DIPK1A: variants seen among roughly 807,000 people sequenced by gnomAD.
The protein encoded by DIPK1A is family with sequence similarity 69 member A.
In DIPK1A, 27 loss-of-function variants were observed where a neutral mutation model predicts 40.8. The ratio of observed to expected loss-of-function variants is 0.66; its 90% CI spans 0.49 to 0.91. The LOEUF (loss-of-function observed/expected upper bound fraction) is 0.91, where lower values mean the gene tolerates loss of function less well. DIPK1A is among the 40% of genes least tolerant of loss of function. DIPK1A has a pLI of 0.00. For synonymous variants in DIPK1A, 166 were observed against 171.3 expected (o/e 0.97, Z 0.24); for missense variants, 412 against 505.7 (o/e 0.81, Z 1.78).
In DIPK1A at chr1:92,842,370, T is replaced by TTTAA. The variant is rs889429148; in HGVS notation, c.*1009_*1012dup. ...TAGTGGTTCTTTTCTCCAAAAGGTG[T>TTTAA]TTAATTTTATGGAGATGTTGAAAGG... is the stretch of plus-strand genomic sequence containing the variant. On this transcript the variant is annotated 3_prime_UTR_variant, in exon 5 of 5. Transcript: ENST00000370310. 1 of 984,918 alleles carries TTTAA rather than the reference T, an allele frequency of 1.0e-6. No homozygotes were observed. The highest frequency in any genetic ancestry group is 1.7e-5 in the African/African-American group (1 of 57,214). The allele number at this position is 984,918 out of a possible 1,614,324, so 61.0% of individuals were successfully genotyped here.
downstream of DIPK1A, chr1:92,841,800 A>G: frequency 6.2e-7 from 1 of 1,611,760 alleles, no homozygotes; most frequent in Non-Finnish European, 8.5e-7. Flanking sequence ...TGCTCAGAAG[A>G]AGGATCGGGT....
At chr1:92,883,336 A>G (rs995153189) in intron 1 of DIPK1A, among the ~76,000 whole-genome samples, 19 of 152,238 alleles carry the variant, frequency 1.2e-4, no homozygotes, top group African/African-American at 4.3e-4. Flanking sequence ...AGAACTCATC[A>G]TAGGGATCTT....
At chr1:92,959,609 G>A (rs1392746168) in intron 1 of DIPK1A, among the ~76,000 whole-genome samples, 1 of 149,090 alleles carries the variant, frequency 6.7e-6, no homozygotes, top group Non-Finnish European at 1.5e-5. Context: ...CCGCCACCAC[G>A]CCCGGCTAAT....
intron 1 of DIPK1A, among the ~76,000 whole-genome samples, chr1:92,959,599 C>T (rs570438834): frequency 1.2e-3 from 176 of 151,566 alleles, no homozygotes; most frequent in African/African-American, 4.0e-3. Context: ...CTACAGGCGC[C>T]CGCCACCACG....
At chr1:92,835,753 G>T (rs1247131593) in intron 4 of DIPK1A, among the ~76,000 whole-genome samples, 1 of 151,830 alleles carries the variant, frequency 6.6e-6, no homozygotes, top group African/African-American at 2.4e-5. Context: ...TTTCCTGGTA[G>T]ATGAAGATGG....
chr1:92,898,074 G>T (rs1298997789), intron 1 of DIPK1A, among the ~76,000 whole-genome samples: 2 of 152,032 alleles, frequency 1.3e-5, no homozygotes, highest in African/African-American at 2.4e-5. Flanking sequence ...ACTCTAGCCT[G>T]GGCAACAGAG....
At chr1:92,848,289 T>C (rs934232571) in intron 3 of DIPK1A, among the ~76,000 whole-genome samples, 4 of 152,234 alleles carry the variant, frequency 2.6e-5, no homozygotes, top group Non-Finnish European at 5.9e-5. Context: ...CTCTAATAAA[T>C]TCCCCTTTCA....
At chr1:92,869,578 C>T (rs1200695603) in intron 2 of DIPK1A, among the ~76,000 whole-genome samples, 4 of 152,106 alleles carry the variant, frequency 2.6e-5, no homozygotes, top group Non-Finnish European at 5.9e-5. Flanking sequence ...ATTTGTGGAA[C>T]CTCTTTTGGA....
At chr1:92,873,969 T>C (rs1371261001) in intron 2 of DIPK1A, among the ~76,000 whole-genome samples, 1 of 152,184 alleles carries the variant, frequency 6.6e-6, no homozygotes, top group Non-Finnish European at 1.5e-5. Context: ...CTTAGTACTA[T>C]TGACTTTAGT....
chr1:92,836,412 C>A, intron 4 of DIPK1A: 1 of 1,606,184 alleles, frequency 6.2e-7, no homozygotes, highest in Non-Finnish European at 8.5e-7. Flanking sequence ...CTATTTAAGA[C>A]CTTGGTGCCT....
In DIPK1A at chr1:92,940,875, A is replaced by T. The variant is rs149662058; in HGVS notation, c.54+20501T>A. ...ATGTGCAATTCCCTAATGGTTAATA[A>T]GCTTGAATGTCTTCATCTGTGTTTA... On this transcript the variant is annotated intron_variant, in intron 1 of 4. Transcript: ENST00000370310. 2.2e-3 allele frequency among the ~76,000 whole-genome samples: 334 copies of T among 152,348 alleles called. 1 individual carries two copies. The highest frequency in any genetic ancestry group is 7.6e-3 in the African/African-American group (317 of 41,578).
At chr1:92,845,235 C>A (rs1571047117) in intron 4 of DIPK1A, among the ~76,000 whole-genome samples, 1 of 150,512 alleles carries the variant, frequency 6.6e-6, no homozygotes, top group South Asian at 2.1e-4. Flanking sequence ...GCGTGAGCCA[C>A]CGCGCCCGGC....
intron 1 of DIPK1A, among the ~76,000 whole-genome samples, chr1:92,921,433 A>G (rs1650263991): frequency 6.6e-6 from 1 of 152,208 alleles, no homozygotes; most frequent in African/African-American, 2.4e-5. Context: ...ATGTGTTGCA[A>G]AAAAATTGAC....
At chr1:92,845,541 G>GAAAA in intron 4 of DIPK1A, 54 of 226,978 alleles carry the variant, frequency 2.4e-4, no homozygotes, top group Middle Eastern at 1.8e-3. Flanking sequence ...CGTCTCTGCT[G>GAAAA]AAAAAAAAAA....
intron 4 of DIPK1A, chr1:92,833,575 G>C: frequency 1.9e-6 from 3 of 1,613,498 alleles, no homozygotes; most frequent in Non-Finnish European, 2.5e-6. Context: ...GCTCGGAAAC[G>C]CTTGGTGATA....
intron 2 of DIPK1A, among the ~76,000 whole-genome samples, chr1:92,856,521 G>A (rs1221580073): frequency 2.0e-5 from 3 of 152,112 alleles, no homozygotes; most frequent in East Asian, 3.8e-4. Flanking sequence ...GGGATCAAGC[G>A]ATTCTCCTGC....
chr1:92,904,675 A>G (rs1649536941), intron 1 of DIPK1A, among the ~76,000 whole-genome samples: 1 of 151,898 alleles, frequency 6.6e-6, no homozygotes, highest in African/African-American at 2.4e-5. Context: ...TTCCAATTAT[A>G]CCTTTTTAGT....
chr1:92,866,282 A>T (rs1647538930), intron 2 of DIPK1A, among the ~76,000 whole-genome samples: 1 of 152,148 alleles, frequency 6.6e-6, no homozygotes, highest in Non-Finnish European at 1.5e-5. Context: ...TTGTATTTTT[A>T]GTAGAGATGG....
chr1:92,921,871 G>A lies in DIPK1A; in HGVS notation c.54+39505C>T, dbSNP rs146851184. On this transcript the variant is annotated intron_variant, in intron 1 of 4. Coordinates refer to ENST00000370310, the MANE Select transcript of DIPK1A (RefSeq NM_001006605.5). ...ACCTGGAAAGCCCTCAAGCTTGAAG[G>A]TCATCAGAATGTGCTCTAATTGTTT... 3.3e-3 allele frequency among the ~76,000 whole-genome samples: 502 copies of A among 152,258 alleles called. 4 individuals carry two copies. Among genetic ancestry groups the A allele is most frequent in the African/African-American group, 0.011 (468 of 41,548 alleles).
Sources: gnomAD v4.1 joint callset for allele counts (sites outside exome capture counted in the v4.1 genomes callset) on GRCh38, gnomAD v4.1.1 for gene constraint, MANE v1.5 for transcripts, NCBI Gene and HGNC (gene_info 2026-07-23, HGNC 2026-07-21) for gene names.